NALCN: variants seen among roughly 807,000 people sequenced by gnomAD.
NALCN encodes the protein sodium leak channel NALCN.
Under a neutral mutation model 225.3 loss-of-function variants are expected in NALCN, and 111 were observed. The observed-to-expected ratio is 0.49, with a 90% CI of 0.42 to 0.58. The LOEUF (loss-of-function observed/expected upper bound fraction) is 0.58. Ranked by LOEUF, NALCN falls within the 20% of genes least tolerant of loss-of-function variation. The pLI is 0.00. For missense variants in NALCN, 1,378 were observed against 2,202.4 expected, an observed-to-expected ratio of 0.63 and a Z score of 7.49; for synonymous variants, 764 against 769.0, an observed-to-expected ratio of 0.99 and a Z score of 0.11.
intron 41 of NALCN, among the ~76,000 whole-genome samples, chr13:101,060,416 C>T (rs1196323248): frequency 1.4e-5 from 2 of 143,124 alleles, no homozygotes; most frequent in African/African-American, 5.2e-5. Flanking sequence ...GAAGCTGAGA[C>T]TAAAAGTGTG....
chr13:101,119,520 C>A (rs118030959), intron 18 of NALCN, among the ~76,000 whole-genome samples: 5,295 of 152,270 alleles, frequency 0.035, 125 homozygotes, highest in Middle Eastern at 0.095. Context: ...ACTTTCTAAA[C>A]TAATGTAAAA....
chr13:101,106,906 T>C (rs1005087542), intron 22 of NALCN, among the ~76,000 whole-genome samples: 5 of 152,244 alleles, frequency 3.3e-5, no homozygotes, highest in Non-Finnish European at 7.3e-5. Context: ...CATCCATTTG[T>C]TGCCTGTCAA....
At chr13:101,244,139 C>T (rs1270988308) in intron 11 of NALCN, among the ~76,000 whole-genome samples, 1 of 151,798 alleles carries the variant, frequency 6.6e-6, no homozygotes, top group Non-Finnish European at 1.5e-5. Flanking sequence ...ATCATCTCTC[C>T]CTTCACCTGT....
At chr13:101,155,145 A>G (rs912647862) in intron 15 of NALCN, among the ~76,000 whole-genome samples, 7 of 152,232 alleles carry the variant, frequency 4.6e-5, no homozygotes, top group Non-Finnish European at 4.4e-5. Context: ...AACTCACATG[A>G]GAGTTGCAAA....
At chr13:101,105,981 G>A (rs916205393) in intron 22 of NALCN, among the ~76,000 whole-genome samples, 8 of 152,116 alleles carry the variant, frequency 5.3e-5, no homozygotes, top group Admixed American at 4.6e-4. Flanking sequence ...AGTACCACTG[G>A]TGCTTAAGAC....
At chr13:101,279,731 G>A (rs1328356409) in intron 10 of NALCN, among the ~76,000 whole-genome samples, 2 of 148,798 alleles carry the variant, frequency 1.3e-5, no homozygotes, top group Non-Finnish European at 3.0e-5. Context: ...GCAGGAGAAT[G>A]GCGTGAACCC....
At chr13:101,080,452 A>T (rs1451385682) in intron 34 of NALCN, among the ~76,000 whole-genome samples, 2 of 150,152 alleles carry the variant, frequency 1.3e-5, no homozygotes, top group African/African-American at 4.9e-5. Flanking sequence ...AGTTTAGAAA[A>T]TATAATTATT....
chr13:101,376,852 G>A (rs773559679), intron 5 of NALCN, 24 bp from the exon 6 acceptor site: 4 of 1,612,904 alleles, frequency 2.5e-6, no homozygotes, highest in Admixed American at 3.4e-5. Flanking sequence ...AGTAGGTAAA[G>A]TACATAAAAC....
intron 7 of NALCN, among the ~76,000 whole-genome samples, chr13:101,332,913 A>G (rs778184398): frequency 1.3e-5 from 2 of 152,222 alleles, no homozygotes; most frequent in Admixed American, 1.3e-4. Flanking sequence ...CATCCAGCAC[A>G]TGGCTGTAAG....
At position 101,107,602 on chromosome 13, in the gene NALCN, G is replaced by A. The variant is rs2139632049; in HGVS notation, c.2464C>T (p.Gln822Ter). 6.2e-7 allele frequency: 1 copy of A among 1,614,062 alleles called. No individual in the cohort carries two copies. The highest frequency in any genetic ancestry group is 2.2e-5 in the East Asian group (1 of 44,874). Reference protein sequence around the residue: ...KEQAEMKRKVQEEELRENHPY... With the variant: ...KEQAEMKRKV Reference sequence around the variant, plus strand: ...TGGTTCTCTCTGAGTTCCTCTTCTTGCACTTTCCTTGAAGGAGAAATTCAT... The same window carrying A: ...TGGTTCTCTCTGAGTTCCTCTTCTTACACTTTCCTTGAAGGAGAAATTCAT... The change falls in exon 22 of 44, where the codon CAA becomes TAA. Residue 822 changes from glutamine (Q) to a stop codon, truncating the protein, a stop_gained. Transcript: ENST00000251127. LOFTEE classifies it high-confidence loss of function.
intron 13 of NALCN, among the ~76,000 whole-genome samples, chr13:101,223,164 A>G (rs1162744383): frequency 6.6e-6 from 1 of 152,108 alleles, no homozygotes; most frequent in East Asian, 1.9e-4. Flanking sequence ...CATGCTAGCC[A>G]TTCACCTCTA....
At chr13:101,396,500 G>A (rs912803167) in intron 2 of NALCN, among the ~76,000 whole-genome samples, 1 of 152,070 alleles carries the variant, frequency 6.6e-6, no homozygotes, top group Non-Finnish European at 1.5e-5. Context: ...AAATAGAAAA[G>A]ACTGTCAGAA....
chr13:101,189,753 A>G (rs1422219707), intron 14 of NALCN, among the ~76,000 whole-genome samples: 1 of 152,190 alleles, frequency 6.6e-6, no homozygotes, highest in Non-Finnish European at 1.5e-5. Context: ...AGAACAAGTT[A>G]TTTCAATTTT....
intron 18 of NALCN, chr13:101,116,703 C>G (rs1164296433): frequency 5.3e-6 from 2 of 374,594 alleles, no homozygotes; most frequent in African/African-American, 4.2e-5. Context: ...TCTAAAGGAA[C>G]TGCAGTATAA....
At chr13:101,207,904 A>C (rs935617800) in intron 13 of NALCN, among the ~76,000 whole-genome samples, 1 of 152,198 alleles carries the variant, frequency 6.6e-6, no homozygotes, top group Non-Finnish European at 1.5e-5. Context: ...TATGAGCTGC[A>C]ACACTCACCG....
At chr13:101,229,356 C>T in intron 13 of NALCN, 37 bp downstream of exon 13, 1 of 1,457,494 alleles carries the variant, frequency 6.9e-7, no homozygotes, top group Non-Finnish European at 9.1e-7. Flanking sequence ...AAAATAAGAA[C>T]AATGAATTTA....
intron 18 of NALCN, among the ~76,000 whole-genome samples, chr13:101,111,877 A>G (rs2035459615): frequency 6.6e-6 from 1 of 152,204 alleles, no homozygotes; most frequent in African/African-American, 2.4e-5. Flanking sequence ...TGTCTTTACT[A>G]GCAGCATGAA....
At chr13:101,374,705 T>C (rs1229924932) in intron 6 of NALCN, among the ~76,000 whole-genome samples, 1 of 152,350 alleles carries the variant, frequency 6.6e-6, no homozygotes, top group South Asian at 2.1e-4. Flanking sequence ...AGTGAAATTA[T>C]ACTGATGTTT....
chr13:101,339,938 AG>A (rs1460248378), intron 7 of NALCN, among the ~76,000 whole-genome samples: 1 of 152,116 alleles, frequency 6.6e-6, no homozygotes. Context: ...ATGAAATGGG[AG>A]ATATGAGTTA....
Sources: allele counts gnomAD v4.1 joint callset (sites outside exome capture counted in the v4.1 genomes callset), GRCh38; gene constraint gnomAD v4.1.1; transcripts MANE v1.5; gene names NCBI Gene and HGNC (gene_info 2026-07-23, HGNC 2026-07-21).